Variants in TRMT6 observed in about 807,000 individuals in gnomAD.
TRMT6 encodes the protein tRNA (adenine(58)-N(1))-methyltransferase non-catalytic subunit TRM6.
Under a neutral mutation model 59.0 loss-of-function variants are expected in TRMT6, and 34 were observed. The observed-to-expected ratio is 0.58, with a 90% CI of 0.44 to 0.77. The LOEUF is 0.77. Among genes scored for constraint, TRMT6 ranks in the 30% least tolerant of loss-of-function variants. TRMT6 has a pLI of 0.00. For synonymous variants in TRMT6, 217 were observed against 210.5 expected, an observed-to-expected ratio of 1.03 and a Z score of -0.27; for missense variants, 575 against 604.5, an observed-to-expected ratio of 0.95 and a Z score of 0.51.
In TRMT6 at chr20:5,937,288, G is replaced by C. The variant is rs1184790125; in HGVS notation, c.*1247C>G. 6.6e-6 allele frequency: 1 copy of C among 152,188 alleles called. No homozygotes were observed. The highest frequency in any genetic ancestry group is 1.5e-5 in the Non-Finnish European group (1 of 68,050). The allele number at this position is 152,188 out of a possible 1,614,324, so 9.4% of individuals were successfully genotyped here. A position where few individuals can be genotyped will look rare whatever the true frequency, so the allele number is the denominator to read the frequency against. ...GATAAAGGACTCAAAATTGTACTTA[G>C]TAATCACATTGGCATAGCACATGCT... On this transcript the variant is annotated 3_prime_UTR_variant, in exon 11 of 11. Transcript: ENST00000203001.
chr20:5,938,874 C>T, intron 10 of TRMT6, 148 bp from the exon 11 acceptor site: 1 of 652,046 alleles, frequency 1.5e-6, no homozygotes, highest in East Asian at 2.8e-5. Context: ...CTTTTCCCTC[C>T]CTCCCTCCCT....
intron 7 of TRMT6, 115 bp from the exon 8 acceptor site, chr20:5,942,151 A>G (rs2088661828): frequency 1.0e-6 from 1 of 964,352 alleles, no homozygotes; most frequent in African/African-American, 1.6e-5. Flanking sequence ...CTAAACCAAT[A>G]GAAGCAGGTT....
intron 1 of TRMT6, among the ~76,000 whole-genome samples, chr20:5,948,631 A>G (rs1431667698): frequency 6.6e-6 from 1 of 152,068 alleles, no homozygotes; most frequent in Non-Finnish European, 1.5e-5. Context: ...ACTTGAGCCC[A>G]GGAATTGGAG....
Position 5,941,258 on chromosome 20 carries a change from G to C in TRMT6, c.1200C>G (p.Tyr400Ter). The C allele has an allele frequency of 6.2e-7, 1 of 1,614,054 alleles. No homozygotes were observed. Among genetic ancestry groups the C allele is most frequent in the Non-Finnish European group, 8.5e-7 (1 of 1,179,922 alleles). ...FVAPSRPFVV[Y>*]CQYKEPLLEC... The stretch of plus-strand genomic sequence containing the variant: ...CCAGTATTACCTCTTTGTACTGACA[G>C]TAGACCACAAACGGCCTTGAAGGGG... Residue 400 changes from tyrosine to a stop codon, truncating the protein, a stop_gained, in exon 9 of 11, where the codon TAC becomes TAG. Transcript: ENST00000203001. LOFTEE classifies it high-confidence loss of function.
Position 5,942,449 on chromosome 20 carries a change from C to A in TRMT6, c.1005G>T (p.Glu335Asp). The A allele has an allele frequency of 6.2e-7, 1 of 1,613,996 alleles. No individual in the cohort carries two copies. The highest frequency in any genetic ancestry group is 8.5e-7 in the Non-Finnish European group (1 of 1,179,986). Residue 335 changes from glutamate (E) to aspartate (D), a missense_variant, in exon 7 of 11, where the codon GAG becomes GAT. Physicochemically the swap from Glu to Asp is conservative, Grantham distance 45. Transcript: ENST00000203001. ...SQDPEHKGPK[E>D]RGSKKDYIQE... is the part of the protein sequence containing the mutation. ...TTACATAATCTTTTTTGCTTCCTCT[C>A]TCTTTAGGCCCCTTATGTTCTGGAT...
chr20:5,938,486 C>T lies in TRMT6; in HGVS notation c.*49G>A. The T allele has an allele frequency of 6.5e-7, 1 of 1,540,238 alleles. No individual in the cohort carries two copies. The highest frequency in any genetic ancestry group is 8.8e-7 in the Non-Finnish European group (1 of 1,134,164). On this transcript the variant is annotated 3_prime_UTR_variant, in exon 11 of 11. Transcript: ENST00000203001. ...AGTAATGGCATTTAAAGTTTAATTACTAACTGTATAATGCCTGAGAACAAA... is the reference window on the plus strand; with the variant it reads ...AGTAATGGCATTTAAAGTTTAATTATTAACTGTATAATGCCTGAGAACAAA...
At position 5,937,773 on chromosome 20, in the gene TRMT6, T is replaced by C. The variant is rs2088620153; in HGVS notation, c.*762A>G. 6.6e-6 allele frequency: 1 copy of C among 152,224 alleles called. No homozygotes were observed. The highest frequency in any genetic ancestry group is 1.5e-5 in the Non-Finnish European group (1 of 68,038). The allele number at this position is 152,224 out of a possible 1,614,324, so 9.4% of individuals were successfully genotyped here. On this transcript the variant is annotated 3_prime_UTR_variant, in exon 11 of 11. Transcript: ENST00000203001. ...ATATATAAATATATGTGTGTATATA[T>C]ACCAACATCTATATACATATGTGTG...
chr20:5,945,976 C>G (rs2088702110), intron 2 of TRMT6, among the ~76,000 whole-genome samples: 1 of 152,066 alleles, frequency 6.6e-6, no homozygotes, highest in African/African-American at 2.4e-5. Context: ...GGATATAAGA[C>G]TCACAGAAAT....
rs1446214139 is a variant in TRMT6 at position 5,944,821 on chromosome 20, T to C, written c.350A>G (p.Lys117Arg). The part of the protein sequence containing the change: ...TQDDIKALKD[K>R]GIKGEEIVQQ... ...GAATATTACCTCTCCTTTAATGCCC[T>C]TGTCCTTCAAAGCTTTTATGTCATC... is the stretch of plus-strand genomic sequence containing the variant. Residue 117 changes from lysine (K) to arginine (R), a missense_variant, in exon 3 of 11, where the codon AAG (lysine) becomes AGG (arginine). Transcript: ENST00000203001. The C allele has an allele frequency of 6.2e-7, 1 of 1,613,040 alleles. No individual in the cohort carries two copies. The highest frequency in any genetic ancestry group is 1.3e-5 in the African/African-American group (1 of 75,038).
At chr20:5,941,857 G>T in intron 8 of TRMT6, 94 bp downstream of exon 8, 1 of 1,097,228 alleles carries the variant, frequency 9.1e-7, no homozygotes. Context: ...GGTCCCACTA[G>T]AGTCAAAGCA....
intron 10 of TRMT6, 60 bp downstream of exon 10, chr20:5,940,993 C>A (rs930048419): frequency 3.8e-5 from 49 of 1,293,500 alleles, no homozygotes; most frequent in Non-Finnish European, 5.4e-5. Context: ...TCTAGTACTA[C>A]TGCAAGGAAA....
Position 5,944,373 on chromosome 20 carries a change from G to A in TRMT6, c.367-120C>T, listed in dbSNP as rs917991884. The A allele has an allele frequency of 1.6e-5, 9 of 580,472 alleles. No individual in the cohort carries two copies. The Admixed American group carries it at 2.1e-4, about 14-fold the overall frequency. 36.0% of individuals were successfully genotyped at this position (580,472 alleles called of 1,614,324 possible). A position where few individuals can be genotyped will look rare whatever the true frequency, so the allele number is the denominator to read the frequency against. On this transcript the variant is annotated intron_variant, in intron 3 of 10. Coordinates refer to ENST00000203001, the MANE Select transcript of TRMT6 (RefSeq NM_015939.5). ...CTGATTCTCCAATCCCTTTTCCACA[G>A]AAGTCCAAATAGATGAACTTTATAT...
At position 5,950,467 on chromosome 20, in the gene TRMT6, G is replaced by A. The variant is rs542373136; in HGVS notation, c.-62C>T. The A allele has an allele frequency of 8.6e-6, 13 of 1,506,546 alleles. No individual in the cohort carries two copies. Among genetic ancestry groups the A allele is most frequent in the African/African-American group, 1.4e-5 (1 of 71,488 alleles). 93.3% of individuals were successfully genotyped at this position (1,506,546 alleles called of 1,614,324 possible). A position where few individuals can be genotyped will look rare whatever the true frequency, so the allele number is the denominator to read the frequency against. ...CCCCTCCTCCTCGGTTGTCGCCACC[G>A]CCAGCCTCACTTCCCACAACCTGGC... is the stretch of plus-strand genomic sequence containing the variant. On this transcript the variant is annotated 5_prime_UTR_variant, in exon 1 of 11. Coordinates refer to ENST00000203001, the MANE Select transcript of TRMT6 (RefSeq NM_015939.5).
At chr20:5,945,471 C>T (rs949246464) in intron 2 of TRMT6, among the ~76,000 whole-genome samples, 4 of 152,228 alleles carry the variant, frequency 2.6e-5, no homozygotes, top group East Asian at 1.9e-4. Flanking sequence ...AATTAGTACA[C>T]GCCCCTGCTT....
rs149680323 is a variant in TRMT6 at position 5,938,605 on chromosome 20, C to T, written c.1424G>A (p.Ser475Asn). ...KADTSLKSNA[S>N]TLESHETEEP... Reference sequence around the variant, plus strand: ...CTCAGTCTCGTGTGATTCTAAAGTGCTTGCATTAGATTTGAGGCTGGTGTC... The same window carrying T: ...CTCAGTCTCGTGTGATTCTAAAGTGTTTGCATTAGATTTGAGGCTGGTGTC... The change falls in exon 11 of 11, where the codon AGC (serine) becomes AAC (asparagine). Residue 475 changes from serine to asparagine, a missense_variant. Ser to Asn is a conservative substitution (Grantham distance 46). Coordinates refer to ENST00000203001, the MANE Select transcript of TRMT6 (RefSeq NM_015939.5). 4 of 1,614,104 alleles carry T rather than the reference C, an allele frequency of 2.5e-6. No homozygotes were observed. Among genetic ancestry groups the T allele is most frequent in the Non-Finnish European group, 3.4e-6 (4 of 1,180,054 alleles).
At chr20:5,941,417 A>T in intron 8 of TRMT6, 72 bp from the exon 9 acceptor site, 6 of 1,073,450 alleles carry the variant, frequency 5.6e-6, no homozygotes, top group Non-Finnish European at 7.0e-6. Flanking sequence ...AAATGCATTT[A>T]AAATGATCAT....
Position 5,942,009 on chromosome 20 carries a change from C to T in TRMT6, c.1054G>A (p.Glu352Lys). Residue 352 changes from glutamate to lysine, a missense_variant, in exon 8 of 11, where the codon GAG becomes AAG. Glu to Lys is a moderately conservative substitution (Grantham distance 56). Transcript: ENST00000203001. The stretch of plus-strand genomic sequence containing the variant: ...GCCTCTAAATGTCTTTTCCTCTGCT[C>T]TTCTTGTCTCCTCTGTTTTTCCTGA... ...YIQEKQRRQEEQRKRHLEAAA... is the reference protein window; with the variant it reads ...YIQEKQRRQEKQRKRHLEAAA... 6.2e-7 allele frequency: 1 copy of T among 1,613,168 alleles called. No individual in the cohort carries two copies. Among genetic ancestry groups the T allele is most frequent in the South Asian group, 1.1e-5 (1 of 91,084 alleles).
At chr20:5,949,679 T>C (rs951056217) in intron 1 of TRMT6, among the ~76,000 whole-genome samples, 2 of 152,208 alleles carry the variant, frequency 1.3e-5, no homozygotes, top group South Asian at 2.1e-4. Context: ...TCATCTATTC[T>C]GTGTATCCTG....
chr20:5,939,474 T>C (rs538869289), intron 10 of TRMT6, among the ~76,000 whole-genome samples: 11 of 147,234 alleles, frequency 7.5e-5, no homozygotes, highest in Non-Finnish European at 1.6e-4. Flanking sequence ...AGCGAGACTC[T>C]GTCTCAAAAA....
Sources: allele counts gnomAD v4.1 joint callset (sites outside exome capture counted in the v4.1 genomes callset), GRCh38; gene constraint gnomAD v4.1.1; transcripts MANE v1.5; gene names NCBI Gene and HGNC (gene_info 2026-07-23, HGNC 2026-07-21).